Variants in NUBPL observed in about 807,000 individuals in gnomAD.
NUBPL encodes iron-sulfur cluster transfer protein NUBPL.
NUBPL carries 31 observed loss-of-function variants against 45.7 expected under a neutral mutation model. The observed-to-expected ratio is 0.68, with a 90% confidence interval of 0.51 to 0.92. The LOEUF (loss-of-function observed/expected upper bound fraction) is 0.92, where lower values mean the gene tolerates loss of function less well. Among genes scored for constraint, NUBPL ranks in the 40% least tolerant of loss-of-function variants. The pLI is 0.00. For synonymous variants in NUBPL, 144 were observed against 140.9 expected (o/e 1.02, Z -0.15); for missense variants, 401 against 398.7 (o/e 1.01, Z -0.05).
chr14:31,607,558 A>G (rs1255711095), intron 4 of NUBPL, among the ~76,000 whole-genome samples: 1 of 152,100 alleles, frequency 6.6e-6, no homozygotes, highest in Non-Finnish European at 1.5e-5. Context: ...AAAAAGATTC[A>G]AGCTGAAATT....
chr14:31,567,752 G>T (rs2033475310), intron 3 of NUBPL, among the ~76,000 whole-genome samples: 1 of 152,182 alleles, frequency 6.6e-6, no homozygotes, highest in South Asian at 2.1e-4. Context: ...GATGGTTCTT[G>T]TAATGTGGCT....
At chr14:31,761,564 A>G (rs572123991) in intron 6 of NUBPL, among the ~76,000 whole-genome samples, 2 of 152,296 alleles carry the variant, frequency 1.3e-5, no homozygotes, top group South Asian at 4.1e-4. Context: ...ACATACATGT[A>G]TGTGTGTTTA....
chr14:31,605,760 T>C (rs2034571013), intron 4 of NUBPL, among the ~76,000 whole-genome samples: 1 of 150,972 alleles, frequency 6.6e-6, no homozygotes, highest in African/African-American at 2.4e-5. Context: ...TCCTTCCTCC[T>C]TCTCCTTCTC....
chr14:31,641,993 T>C (rs565363817), intron 4 of NUBPL, among the ~76,000 whole-genome samples: 3 of 152,250 alleles, frequency 2.0e-5, no homozygotes, highest in Non-Finnish European at 4.4e-5. Context: ...TTGAGAAACA[T>C]CTATTCAAAT....
chr14:31,740,415 A>G (rs183504807), intron 6 of NUBPL, among the ~76,000 whole-genome samples: 184 of 152,350 alleles, frequency 1.2e-3, no homozygotes, highest in Non-Finnish European at 2.2e-3. Context: ...AATATGAAAC[A>G]TCTTTTCATA....
chr14:31,593,681 G>C (rs983873234), intron 3 of NUBPL, among the ~76,000 whole-genome samples: 1 of 152,098 alleles, frequency 6.6e-6, no homozygotes, highest in African/African-American at 2.4e-5. Flanking sequence ...GAAATGTGTA[G>C]TGTTGTGGTA....
chr14:31,853,255 C>T (rs2139011616), intron 10 of NUBPL, among the ~76,000 whole-genome samples: 1 of 152,216 alleles, frequency 6.6e-6, no homozygotes, highest in East Asian at 1.9e-4. Context: ...GGGGTTTCAC[C>T]ATGTTGCCCA....
intron 7 of NUBPL, among the ~76,000 whole-genome samples, chr14:31,794,015 A>G (rs1288032082): frequency 1.1e-5 from 1 of 89,450 alleles, no homozygotes; most frequent in Admixed American, 1.2e-4. Flanking sequence ...TTTACTGAGA[A>G]TGATGGTTTC....
chr14:31,644,945 C>T (rs555793514), intron 4 of NUBPL, among the ~76,000 whole-genome samples: 1 of 152,152 alleles, frequency 6.6e-6, no homozygotes, highest in African/African-American at 2.4e-5. Flanking sequence ...AGTCATCTTA[C>T]CTGATACAAA....
At chr14:31,737,751 T>C (rs778927878) in intron 6 of NUBPL, among the ~76,000 whole-genome samples, 1 of 152,178 alleles carries the variant, frequency 6.6e-6, no homozygotes. Context: ...GCCACTTCGC[T>C]CTAGCCTGGG....
intron 8 of NUBPL, chr14:31,846,167 C>A (rs2040448792): frequency 2.8e-6 from 1 of 359,304 alleles, no homozygotes; most frequent in Admixed American, 4.0e-5. Context: ...CTCATCACCC[C>A]ACAACCTGAA....
At chr14:31,780,284 A>C (rs915540806) in intron 6 of NUBPL, among the ~76,000 whole-genome samples, 1 of 151,626 alleles carries the variant, frequency 6.6e-6, no homozygotes, top group Non-Finnish European at 1.5e-5. Flanking sequence ...TGGCCAGGCT[A>C]GTCTGTGAAC....
chr14:31,730,881 A>AT (rs537835739), intron 6 of NUBPL, among the ~76,000 whole-genome samples: 18 of 150,592 alleles, frequency 1.2e-4, no homozygotes, highest in Admixed American at 4.6e-4. Context: ...GTGTCAGTTT[A>AT]TTTTTTTTTT....
chr14:31,684,851 T>C (rs913004362), intron 6 of NUBPL, among the ~76,000 whole-genome samples: 9 of 152,212 alleles, frequency 5.9e-5, no homozygotes, highest in Non-Finnish European at 4.4e-5. Context: ...TCTTCTGTCA[T>C]GGCTTGAATT....
At chr14:31,711,823 G>T (rs919459909) in intron 6 of NUBPL, among the ~76,000 whole-genome samples, 1 of 152,096 alleles carries the variant, frequency 6.6e-6, no homozygotes, top group African/African-American at 2.4e-5. Flanking sequence ...GGCCTCAGGA[G>T]TGAAGCTGAA....
chr14:31,813,051 G>A (rs186451444), intron 7 of NUBPL, among the ~76,000 whole-genome samples: 244 of 146,248 alleles, frequency 1.7e-3, no homozygotes, highest in African/African-American at 5.5e-3. Context: ...GTGTAGTGGT[G>A]TATCTCGGCT....
chr14:31,577,657 C>A (rs2033751301), intron 3 of NUBPL, among the ~76,000 whole-genome samples: 2 of 152,194 alleles, frequency 1.3e-5, no homozygotes, highest in African/African-American at 4.8e-5. Flanking sequence ...CATGATCCAC[C>A]CACCTTGGCC....
intron 6 of NUBPL, among the ~76,000 whole-genome samples, chr14:31,749,387 G>C (rs1348043870): frequency 1.3e-5 from 2 of 152,162 alleles, no homozygotes; most frequent in Admixed American, 1.3e-4. Flanking sequence ...TGTAAAGCTG[G>C]TCTTATGGTG....
chr14:31,840,627 C>T (rs2040355800), intron 8 of NUBPL, among the ~76,000 whole-genome samples: 1 of 151,142 alleles, frequency 6.6e-6, no homozygotes, highest in Non-Finnish European at 1.5e-5. Context: ...ATGGATGAAC[C>T]TGGAGGACAT....
Sources: allele counts gnomAD v4.1 joint callset (sites outside exome capture counted in the v4.1 genomes callset), GRCh38; gene constraint gnomAD v4.1.1; transcripts MANE v1.5; gene names NCBI Gene and HGNC (gene_info 2026-07-23, HGNC 2026-07-21).